The following HCK variants were observed in gnomAD, a reference collection of about 807,000 sequenced individuals.
HCK encodes the protein tyrosine-protein kinase HCK.
HCK carries 40 observed loss-of-function variants against 70.4 expected under a neutral mutation model. The ratio of observed to expected loss-of-function variants is 0.57; its 90% CI spans 0.44 to 0.74. The LOEUF is 0.74. Ranked by LOEUF, HCK falls within the 30% of genes least tolerant of loss-of-function variation. HCK has a pLI of 0.00. For missense variants in HCK, 568 were observed against 697.2 expected (o/e 0.81, Z 2.09); for synonymous variants, 245 against 263.2 (o/e 0.93, Z 0.67).
rs563015170 is a variant in HCK at position 32,052,454 on chromosome 20, G to A, written c.30G>A (p.Pro10=). The change falls in exon 1 of 13, where the codon CCG becomes CCA. Residue 10 remains proline, a synonymous_variant. Transcript: ENST00000375852. ...GGGGGCGCTCAAGCTGCGAGGATCC[G>A]GGCTGCCCGCGAGACGAGGAGCGGG... 7.9e-7 allele frequency: 1 copy of A among 1,269,268 alleles called. No individual in the cohort carries two copies. Among genetic ancestry groups the A allele is most frequent in the African/African-American group, 1.5e-5 (1 of 64,676 alleles). 78.6% of individuals were successfully genotyped at this position (1,269,268 alleles called of 1,614,324 possible). A position where few individuals can be genotyped will look rare whatever the true frequency, so the allele number is the denominator to read the frequency against.
intron 11 of HCK, among the ~76,000 whole-genome samples, chr20:32,097,828 A>T (rs982492128): frequency 6.6e-6 from 1 of 152,054 alleles, no homozygotes; most frequent in Non-Finnish European, 1.5e-5. Flanking sequence ...AAGAACATAT[A>T]TTCTATAGAC....
chr20:32,084,467 T>A lies in HCK; in HGVS notation c.759T>A (p.Asp253Glu), dbSNP rs1229019246. Residue 253 changes from aspartate (D) to glutamate (E), a missense_variant, in exon 8 of 13, where the codon GAT becomes GAA. This residue lies in a region of HCK where 13 missense variants were observed against 38.8 expected (regional missense o/e 0.34). Coordinates refer to ENST00000375852, the MANE Select transcript of HCK (RefSeq NM_002110.5). ...AGCCCCAGAAGCCTTGGGAGAAAGA[T>A]GCCTGGGAGATCCCTCGGGAATCCC... 1.2e-6 allele frequency: 2 copies of A among 1,614,000 alleles called. No individual in the cohort carries two copies. Among genetic ancestry groups the A allele is most frequent in the African/African-American group, 2.7e-5 (2 of 74,910 alleles).
chr20:32,063,992 C>CTTTT (rs58620860), intron 1 of HCK, among the ~76,000 whole-genome samples: 6 of 54,238 alleles, frequency 1.1e-4, no homozygotes, highest in African/African-American at 1.6e-4. Context: ...ATCTCTACTT[C>CTTTT]TTTTTTTTTT....
At chr20:32,088,885 C>G (rs983459750) in intron 10 of HCK, among the ~76,000 whole-genome samples, 1 of 152,030 alleles carries the variant, frequency 6.6e-6, no homozygotes, top group South Asian at 2.1e-4. Flanking sequence ...AACAAACCAT[C>G]CAAGTCCTAG....
At chr20:32,069,824 T>A (rs558778156) in intron 1 of HCK, 1 of 1,131,868 alleles carries the variant, frequency 8.8e-7, no homozygotes, top group Non-Finnish European at 1.2e-6. Context: ...GAGTTTGGGG[T>A]TTTTTTCCTT....
chr20:32,052,368 A>C lies in HCK; in HGVS notation c.-57A>C. 2 of 1,196,822 alleles carry C rather than the reference A, an allele frequency of 1.7e-6. No homozygotes were observed. The highest frequency in any genetic ancestry group is 1.1e-6 in the Non-Finnish European group (1 of 929,276). 74.1% of individuals were successfully genotyped at this position (1,196,822 alleles called of 1,614,324 possible). A position where few individuals can be genotyped will look rare whatever the true frequency, so the allele number is the denominator to read the frequency against. On this transcript the variant is annotated 5_prime_UTR_variant, in exon 1 of 13. Coordinates refer to ENST00000375852, the MANE Select transcript of HCK (RefSeq NM_002110.5). ...CCCTCAGAGCGTCGCCCCCGCCTCT[A>C]GTTCTAGAAAGTCAGTTTCCCGGCA... is the stretch of plus-strand genomic sequence containing the variant.
chr20:32,094,795 AAGAAAGAAAG>A lies in HCK; in HGVS notation c.1246+781_1246+790del, dbSNP rs1301932638. Among the ~76,000 whole-genome samples the A allele has an allele frequency of 3.5e-4, 8 of 22,938 alleles. 1 individual carries two copies. The highest frequency in any genetic ancestry group is 1.1e-3 in the Non-Finnish European group (8 of 7,312). 15.0% of individuals were successfully genotyped at this position (22,938 alleles called of 152,430 possible). ...AAAGAAAGAGAGAGAAAGAGAAAGAAAGAAAGAAAGAAAGAAAGAAAGAAAGAAAGAAAGA... is the reference window on the plus strand; with the variant it reads ...AAAGAAAGAGAGAGAAAGAGAAAGAAAAAGAAAGAAAGAAAGAAAGAAAGA... On this transcript the variant is annotated intron_variant, in intron 11 of 12. Transcript: ENST00000375852.
chr20:32,059,439 T>C (rs1249778433), intron 1 of HCK, among the ~76,000 whole-genome samples: 1 of 151,462 alleles, frequency 6.6e-6, no homozygotes, highest in Non-Finnish European at 1.5e-5. Flanking sequence ...CTTTTTTCTT[T>C]CTTTCTTTCT....
chr20:32,081,371 A>T lies in HCK; in HGVS notation c.532+1494A>T, dbSNP rs182854790. Among the ~76,000 whole-genome samples, 80 of 152,354 alleles carry T rather than the reference A, an allele frequency of 5.3e-4. 2 individuals carry two copies. The East Asian group carries it at 0.015, about 29-fold the overall frequency. On this transcript the variant is annotated intron_variant, in intron 6 of 12. Transcript: ENST00000375852. ...AAAACATCGCGTAGCTCAAACTGGC[A>T]TCGATTGAGGCTCATTGCCTCAAAG...
At chr20:32,086,222 T>C (rs1373955141) in intron 8 of HCK, among the ~76,000 whole-genome samples, 2 of 152,188 alleles carry the variant, frequency 1.3e-5, no homozygotes, top group East Asian at 3.9e-4. Context: ...GGTTTCACCG[T>C]GTTAGCCAGG....
At chr20:32,062,718 G>A (rs771722059) in intron 1 of HCK, among the ~76,000 whole-genome samples, 16 of 152,168 alleles carry the variant, frequency 1.1e-4, no homozygotes, top group Non-Finnish European at 2.1e-4. Context: ...AAGGGAAGAC[G>A]TGAGAAGTCA....
intron 8 of HCK, among the ~76,000 whole-genome samples, chr20:32,084,795 G>A (rs2122579519): frequency 6.6e-6 from 1 of 152,364 alleles, no homozygotes; most frequent in East Asian, 1.9e-4. Context: ...TCATGGATGA[G>A]GAATCCCTCC....
chr20:32,096,910 T>C (rs2045964286), intron 11 of HCK, among the ~76,000 whole-genome samples: 1 of 152,046 alleles, frequency 6.6e-6, no homozygotes, highest in African/African-American at 2.4e-5. Context: ...CAAGGGTATA[T>C]ATATATATAT....
At chr20:32,072,338 C>T (rs59489790) in intron 2 of HCK, 2,824 of 152,840 alleles carry the variant, frequency 0.018, 78 homozygotes, top group African/African-American at 0.063. Context: ...TAAGCCTTTA[C>T]GGTTATTAAC....
rs200519132 is a variant in HCK, at chr20:32,074,646, G to A, written c.353G>A (p.Arg118Gln). The A allele has an allele frequency of 1.6e-4, 251 of 1,613,806 alleles. No homozygotes were observed. The highest frequency in any genetic ancestry group is 2.0e-4 in the Non-Finnish European group (238 of 1,179,750). ...AGATCCGGGGAGTGGTGGAAGGCTCGATCCCTGGCCACCCGGAAGGAGGGC... is the reference window on the plus strand; with the variant it reads ...AGATCCGGGGAGTGGTGGAAGGCTCAATCCCTGGCCACCCGGAAGGAGGGC... Residue 118 changes from arginine (R) to glutamine (Q), a missense_variant, in exon 5 of 13, where the codon CGA becomes CAA. Coordinates refer to ENST00000375852, the MANE Select transcript of HCK (RefSeq NM_002110.5).
chr20:32,074,347 A>G (rs2045590816), intron 4 of HCK, among the ~76,000 whole-genome samples: 1 of 152,184 alleles, frequency 6.6e-6, no homozygotes, highest in African/African-American at 2.4e-5. Flanking sequence ...AATAAGACCA[A>G]AGCTGCAAGT....
At chr20:32,056,304 G>A (rs969262179) in intron 1 of HCK, among the ~76,000 whole-genome samples, 1 of 152,152 alleles carries the variant, frequency 6.6e-6, no homozygotes, top group African/African-American at 2.4e-5. Flanking sequence ...ACGAGGTCAG[G>A]AGATGGAGAT....
At chr20:32,068,887 T>C (rs1213721233) in intron 1 of HCK, among the ~76,000 whole-genome samples, 1 of 152,172 alleles carries the variant, frequency 6.6e-6, no homozygotes, top group Non-Finnish European at 1.5e-5. Flanking sequence ...GAGGTTGCAG[T>C]AAGCTATGAT....
chr20:32,073,847 C>T, intron 4 of HCK, 29 bp downstream of exon 4: 3 of 1,308,828 alleles, frequency 2.3e-6, no homozygotes, highest in South Asian at 1.3e-5. Context: ...CCCCCTAAGA[C>T]AGACCTGCCT....
Sources: gnomAD v4.1 joint callset for allele counts (sites outside exome capture counted in the v4.1 genomes callset) on GRCh38, gnomAD v4.1.1 for gene constraint, gnomAD v4.1.1 regional missense constraint, MANE v1.5 for transcripts, NCBI Gene and HGNC (gene_info 2026-07-23, HGNC 2026-07-21) for gene names.